Variants in LSAMP observed in about 807,000 individuals in gnomAD.
LSAMP encodes limbic system associated membrane protein.
LSAMP carries 7 observed loss-of-function variants against 38.6 expected under a neutral mutation model. That is an observed-to-expected ratio of 0.18 (90% CI 0.10 to 0.34). The LOEUF (loss-of-function observed/expected upper bound fraction) is 0.34. LSAMP is among the 10% of genes least tolerant of loss of function. The pLI is 1.00. For missense variants in LSAMP, 313 were observed against 420.0 expected (o/e 0.75, Z 2.23); for synonymous variants, 154 against 166.8 (o/e 0.92, Z 0.59).
intron 3 of LSAMP, among the ~76,000 whole-genome samples, chr3:116,005,675 G>A (rs1940136880): frequency 6.6e-6 from 1 of 152,190 alleles, no homozygotes; most frequent in Non-Finnish European, 1.5e-5. Flanking sequence ...GCAACAATCA[G>A]TAACATAACT....
At position 115,810,422 on chromosome 3, in the gene LSAMP, G is replaced by A. The variant is rs762838425; in HGVS notation, c.920-8C>T. 9.4e-6 allele frequency: 15 copies of A among 1,596,038 alleles called. No homozygotes were observed. The highest frequency in any genetic ancestry group is 1.3e-5 in the Non-Finnish European group (15 of 1,164,360). ...CTCTCACCGACCCAGGTCCTGCAGA[G>A]CAAAAGAGGAGAGAGAAAAAGAGAA... On this transcript the variant is annotated splice_region_variant and splice_polypyrimidine_tract_variant and intron_variant, in intron 6 of 6. Transcript: ENST00000490035.
At chr3:116,257,006 A>G (rs2306064) in intron 1 of LSAMP, among the ~76,000 whole-genome samples, 117,947 of 152,102 alleles carry the variant, frequency 0.78, 46,242 homozygotes, top group Non-Finnish European at 0.84. Flanking sequence ...TCCAAACCCT[A>G]TGCTGGAGGC....
At chr3:116,248,496 T>A (rs201398155) in intron 1 of LSAMP, among the ~76,000 whole-genome samples, 66,539 of 145,802 alleles carry the variant, frequency 0.46, 17,899 homozygotes, top group Non-Finnish European at 0.59. Context: ...TGTGTGTGTG[T>A]GTGTGTGTGT....
intron 3 of LSAMP, among the ~76,000 whole-genome samples, chr3:115,898,350 T>C (rs1249557952): frequency 1.3e-5 from 2 of 152,118 alleles, no homozygotes; most frequent in Non-Finnish European, 2.9e-5. Flanking sequence ...TATTTGACTA[T>C]AGAACTGTTT....
At chr3:116,032,346 A>G (rs1188300444) in intron 2 of LSAMP, among the ~76,000 whole-genome samples, 2 of 152,122 alleles carry the variant, frequency 1.3e-5, no homozygotes, top group Non-Finnish European at 2.9e-5. Flanking sequence ...TCAGACAGGT[A>G]TCATTACCAC....
chr3:116,228,202 G>T (rs149277315), intron 1 of LSAMP, among the ~76,000 whole-genome samples: 1 of 152,082 alleles, frequency 6.6e-6, no homozygotes, highest in Admixed American at 6.5e-5. Flanking sequence ...TATTAGAAAA[G>T]ATACTCTTCA....
At chr3:115,886,005 G>T (rs766396302) in intron 3 of LSAMP, among the ~76,000 whole-genome samples, 17 of 151,910 alleles carry the variant, frequency 1.1e-4, no homozygotes, top group Non-Finnish European at 1.9e-4. Flanking sequence ...CTTTGGCAAA[G>T]ACTTATTGTT....
intron 3 of LSAMP, among the ~76,000 whole-genome samples, chr3:115,975,244 A>AC (rs1939150399): frequency 6.6e-6 from 1 of 151,894 alleles, no homozygotes; most frequent in Non-Finnish European, 1.5e-5. Context: ...ACACAGTGAG[A>AC]CCCCATCTCA....
At chr3:116,264,799 A>G (rs552172458) in intron 1 of LSAMP, among the ~76,000 whole-genome samples, 66 of 152,142 alleles carry the variant, frequency 4.3e-4, no homozygotes, top group Admixed American at 1.5e-3. Context: ...CAGAGAAGAG[A>G]TCTTGCTATG....
At chr3:116,109,558 AT>A (rs1188317930) in intron 1 of LSAMP, among the ~76,000 whole-genome samples, 3 of 152,192 alleles carry the variant, frequency 2.0e-5, no homozygotes, top group African/African-American at 7.2e-5. Flanking sequence ...CCATTTGCTC[AT>A]TTTACAACAA....
chr3:116,220,893 G>A (rs1468003657), intron 1 of LSAMP, among the ~76,000 whole-genome samples: 4 of 152,246 alleles, frequency 2.6e-5, no homozygotes, highest in Admixed American at 6.5e-5. Flanking sequence ...AGTGGCTCAC[G>A]CCTGTAATCC....
At chr3:116,223,436 G>A (rs73858567) in intron 1 of LSAMP, among the ~76,000 whole-genome samples, 1,953 of 152,150 alleles carry the variant, frequency 0.013, 30 homozygotes, top group African/African-American at 0.038. Flanking sequence ...GTCCAAAATT[G>A]GGAGATAAAT....
chr3:115,966,930 G>A (rs1938835388), intron 3 of LSAMP, among the ~76,000 whole-genome samples: 1 of 152,154 alleles, frequency 6.6e-6, no homozygotes, highest in African/African-American at 2.4e-5. Context: ...GTGGCATCCT[G>A]AAGGAAGGGG....
chr3:115,870,648 T>C (rs1270310868), intron 3 of LSAMP, among the ~76,000 whole-genome samples: 1 of 152,170 alleles, frequency 6.6e-6, no homozygotes, highest in South Asian at 2.1e-4. Flanking sequence ...TGCAAAAGCT[T>C]CACCAAGGTG....
chr3:116,014,708 G>A (rs947043417), intron 3 of LSAMP, among the ~76,000 whole-genome samples: 4 of 152,168 alleles, frequency 2.6e-5, no homozygotes, highest in Non-Finnish European at 5.9e-5. Context: ...AACTTGAACT[G>A]TAGAAAATGT....
At chr3:116,122,813 T>C (rs1056821245) in intron 1 of LSAMP, among the ~76,000 whole-genome samples, 4 of 152,198 alleles carry the variant, frequency 2.6e-5, no homozygotes, top group African/African-American at 9.6e-5. Context: ...CATCTTCACT[T>C]TCACTCACAT....
chr3:116,211,328 CG>C (rs1417506490), intron 1 of LSAMP, among the ~76,000 whole-genome samples: 1 of 152,082 alleles, frequency 6.6e-6, no homozygotes, highest in Non-Finnish European at 1.5e-5. Flanking sequence ...ATTGCTAAGA[CG>C]GTAGATCTTA....
chr3:115,891,307 A>C (rs1196135779), intron 3 of LSAMP, among the ~76,000 whole-genome samples: 1 of 152,034 alleles, frequency 6.6e-6, no homozygotes, highest in East Asian at 1.9e-4. Context: ...GGTAAATGTG[A>C]TATAAACAGA....
chr3:115,821,193 G>T (rs975747762), intron 6 of LSAMP, among the ~76,000 whole-genome samples: 1 of 152,104 alleles, frequency 6.6e-6, no homozygotes, highest in African/African-American at 2.4e-5. Flanking sequence ...AAAGATGAAA[G>T]ATGCTCCATT....
Sources: allele counts gnomAD v4.1 joint callset (sites outside exome capture counted in the v4.1 genomes callset), GRCh38; gene constraint gnomAD v4.1.1; transcripts MANE v1.5; gene names NCBI Gene and HGNC (gene_info 2026-07-23, HGNC 2026-07-21).